Variants in PYY observed in about 807,000 individuals in gnomAD.
PYY encodes peptide YY.
In PYY, 12 loss-of-function variants were observed where a neutral mutation model predicts 10.3. The ratio of observed to expected loss-of-function variants is 1.17; its 90% CI spans 0.75 to 1.89. The LOEUF (loss-of-function observed/expected upper bound fraction) is 1.89. Ranked by LOEUF, PYY falls within the 40% of genes most tolerant of loss-of-function variation. PYY has a pLI of 0.00. For missense variants in PYY, 141 were observed against 134.0 expected (o/e 1.05, Z -0.26); for synonymous variants, 66 against 62.0 (o/e 1.06, Z -0.30).
Position 43,992,903 on chromosome 17 carries a change from G to A in PYY, c.-463+11488C>T, listed in dbSNP as rs544608130. On this transcript the variant is annotated intron_variant, in intron 1 of 6. Coordinates refer to the PYY transcript ENST00000360085. ...CTGGAACAGGGGGAGGATTGTCAGA[G>A]GAAGCGTGTCTGCCTTCCGGCCTCC... Among the ~76,000 whole-genome samples the A allele has an allele frequency of 1.3e-3, 144 of 107,724 alleles. 3 individuals are homozygous for A. The highest frequency in any genetic ancestry group is 4.7e-3 in the African/African-American group (135 of 28,984). The allele number at this position is 107,724 out of a possible 152,430, so 70.7% of individuals were successfully genotyped here.
At chr17:43,998,353 T>A (rs920990724) in intron 1 of PYY, among the ~76,000 whole-genome samples, 5 of 151,124 alleles carry the variant, frequency 3.3e-5, no homozygotes, top group African/African-American at 1.2e-4. Context: ...GGCTCAAGAG[T>A]TCGAGACCAG....
upstream of PYY, among the ~76,000 whole-genome samples, chr17:43,954,968 C>T (rs1432212801): frequency 6.6e-6 from 1 of 152,240 alleles, no homozygotes; most frequent in Non-Finnish European, 1.5e-5. Flanking sequence ...GATGGAGCAG[C>T]CAAGCTCACC....
At chr17:43,998,477 GA>G (rs1310313200) in intron 1 of PYY, among the ~76,000 whole-genome samples, 9 of 152,220 alleles carry the variant, frequency 5.9e-5, no homozygotes, top group African/African-American at 2.2e-4. Flanking sequence ...AAAATTGCTT[GA>G]ACCTGGGAGG....
At chr17:43,963,641 G>GAAAGAAAGAAAGAA (rs2048734835) in intron 2 of PYY, among the ~76,000 whole-genome samples, 1 of 140,812 alleles carries the variant, frequency 7.1e-6, no homozygotes, top group African/African-American at 2.7e-5. Flanking sequence ...AGAAAGAAAA[G>GAAAGAAAGAAAGAA]AGAGAACAGA....
intron 1 of PYY, among the ~76,000 whole-genome samples, chr17:43,980,311 G>A (rs1475576136): frequency 1.3e-5 from 2 of 151,352 alleles, no homozygotes; most frequent in African/African-American, 4.9e-5. Context: ...TTACAGGCAT[G>A]CGCCACCATG....
chr17:43,983,739 A>G (rs1407569092), intron 1 of PYY, among the ~76,000 whole-genome samples: 1 of 152,150 alleles, frequency 6.6e-6, no homozygotes, highest in Non-Finnish European at 1.5e-5. Flanking sequence ...ACTCTCCTGT[A>G]GGCTCGTGCC....
chr17:43,961,814 G>A (rs1377441140), intron 2 of PYY, among the ~76,000 whole-genome samples: 5 of 152,000 alleles, frequency 3.3e-5, no homozygotes, highest in Non-Finnish European at 7.4e-5. Context: ...GTGAGCCACC[G>A]TGCCCGGCCT....
chr17:43,983,337 G>A (rs1051848511), intron 1 of PYY, among the ~76,000 whole-genome samples: 4 of 152,192 alleles, frequency 2.6e-5, no homozygotes, highest in African/African-American at 9.7e-5. Context: ...CCTGAGATAA[G>A]GGAAGCAGTA....
chr17:43,952,804 G>T lies in PYY; in HGVS notation c.*152C>A. On this transcript the variant is annotated 3_prime_UTR_variant, in exon 4 of 4. Transcript: ENST00000692052. ...CCACACACAGCCCTCCAGCCCAGGG[G>T]GCGGGGGCACCGAGACGCGGGCGGA... The T allele has an allele frequency of 1.3e-6, 1 of 779,862 alleles. No individual in the cohort carries two copies. Among genetic ancestry groups the T allele is most frequent in the Non-Finnish European group, 2.0e-6 (1 of 498,608 alleles). 48.3% of individuals were successfully genotyped at this position (779,862 alleles called of 1,614,324 possible).
At chr17:43,985,373 G>A (rs2048909218) in intron 1 of PYY, among the ~76,000 whole-genome samples, 1 of 152,084 alleles carries the variant, frequency 6.6e-6, no homozygotes, top group Admixed American at 6.6e-5. Context: ...ACCCCACCCA[G>A]CTATTTTTTA....
chr17:43,985,862 G>A (rs1231042982), intron 1 of PYY, among the ~76,000 whole-genome samples: 1 of 152,168 alleles, frequency 6.6e-6, no homozygotes, highest in African/African-American at 2.4e-5. Flanking sequence ...ATGATTTTAT[G>A]GGGGAAAGCA....
In PYY at chr17:43,986,530, GC is replaced by G. The variant is rs1214379706; in HGVS notation, c.-463+17860del. Among the ~76,000 whole-genome samples, 3 of 152,158 alleles carry G rather than the reference GC, an allele frequency of 2.0e-5. No homozygotes were observed. In the East Asian group the frequency reaches 5.8e-4, roughly 29 times the overall value. ...GTTTGAATATTGTGGCACCAGACAA[GC>G]CTGAACTGAAATTCCAGCTCTACAG... is the stretch of plus-strand genomic sequence containing the variant. On this transcript the variant is annotated intron_variant, in intron 1 of 6. Coordinates refer to the PYY transcript ENST00000360085.
chr17:43,987,955 T>A lies in PYY; in HGVS notation c.-463+16436A>T, dbSNP rs1334147755. 6.6e-6 allele frequency among the ~76,000 whole-genome samples: 1 copy of A among 152,068 alleles called. No homozygotes were observed. Among genetic ancestry groups the A allele is most frequent in the Non-Finnish European group, 1.5e-5 (1 of 67,996 alleles). ...TCCTGTCCAGTCCCCACGCCGGAAG[T>A]CCTCACAGCAGTCTGCTCTGCATCC... On this transcript the variant is annotated intron_variant, in intron 1 of 6. Transcript: ENST00000360085. This position sits in a 1 kb window ranked among gnomAD's most constrained non-coding sequence, Gnocchi z 4.0.
chr17:43,999,471 C>T (rs77710891), intron 1 of PYY, among the ~76,000 whole-genome samples: 1,968 of 152,014 alleles, frequency 0.013, 41 homozygotes, highest in African/African-American at 0.045. Context: ...AGGCCGGGCA[C>T]GGTCGCTCAC....
intron 1 of PYY, among the ~76,000 whole-genome samples, chr17:43,970,250 GT>G (rs2048782996): frequency 7.0e-6 from 1 of 142,682 alleles, no homozygotes; most frequent in African/African-American, 2.6e-5. Flanking sequence ...GCTCATGCCT[GT>G]AATCCCAGCA....
chr17:43,963,587 AAAGAAAG>A (rs918367675), intron 2 of PYY, among the ~76,000 whole-genome samples: 1 of 74,036 alleles, frequency 1.4e-5, no homozygotes, highest in African/African-American at 4.3e-5. Flanking sequence ...AGAAAGAAAG[AAAGAAAG>A]AAAGAAAGAA....
upstream of PYY, among the ~76,000 whole-genome samples, chr17:43,957,292 T>A (rs1043394429): frequency 8.0e-5 from 12 of 149,646 alleles, no homozygotes; most frequent in African/African-American, 2.2e-4. Context: ...TGGGATAGAG[T>A]AGTGAACAAA....
At chr17:43,990,879 C>T (rs548754348) in intron 1 of PYY, among the ~76,000 whole-genome samples, 2 of 146,370 alleles carry the variant, frequency 1.4e-5, no homozygotes, top group South Asian at 4.5e-4. Flanking sequence ...CTGCAAGCTT[C>T]GCCTCCCGGG....
At chr17:43,967,301 T>TA (rs999349940) in intron 1 of PYY, among the ~76,000 whole-genome samples, 21 of 151,972 alleles carry the variant, frequency 1.4e-4, no homozygotes, top group Non-Finnish European at 2.9e-4. Flanking sequence ...AGACTCTGTC[T>TA]AAAAAAAGAA....
Sources: gnomAD v4.1 joint callset for allele counts (sites outside exome capture counted in the v4.1 genomes callset) on GRCh38, gnomAD v4.1.1 for gene constraint, Gnocchi (gnomAD v3.1) non-coding constraint, MANE v1.5 for transcripts, NCBI Gene and HGNC (gene_info 2026-07-23, HGNC 2026-07-21) for gene names.